SLC31A1: variants seen among roughly 807,000 people sequenced by gnomAD.
SLC31A1 encodes the protein solute carrier family 31 member 1.
In SLC31A1, 5 loss-of-function variants were observed where a neutral mutation model predicts 17.2. That is an observed-to-expected ratio of 0.29 (90% CI 0.15 to 0.61). SLC31A1 has a LOEUF of 0.61. Ranked by LOEUF, SLC31A1 falls within the 20% of genes least tolerant of loss-of-function variation. The probability of loss-of-function intolerance (pLI) is 0.86; values close to 1 mark genes in which losing one functional copy is unlikely to be tolerated. For missense variants in SLC31A1, 161 were observed against 241.4 expected, an observed-to-expected ratio of 0.67 and a Z score of 2.21; for synonymous variants, 76 against 78.8, an observed-to-expected ratio of 0.96 and a Z score of 0.19.
At chr9:113,249,677 A>C (rs1831624186) in intron 1 of SLC31A1, among the ~76,000 whole-genome samples, 1 of 152,146 alleles carries the variant, frequency 6.6e-6, no homozygotes, top group African/African-American at 2.4e-5. Context: ...CAGTAATTCT[A>C]ATCTTTCTAC....
At chr9:113,245,843 AG>A in intron 1 of SLC31A1, among the ~76,000 whole-genome samples, 1 of 152,232 alleles carries the variant, frequency 6.6e-6, no homozygotes, top group Admixed American at 6.5e-5. Flanking sequence ...CATGTTGCCC[AG>A]GCGGGTCTGA....
intron 1 of SLC31A1, among the ~76,000 whole-genome samples, chr9:113,249,209 C>T (rs1831618284): frequency 6.7e-6 from 1 of 148,290 alleles, no homozygotes; most frequent in Non-Finnish European, 1.5e-5. Flanking sequence ...TATTCTAATG[C>T]AAAGGTGATT....
intron 1 of SLC31A1, among the ~76,000 whole-genome samples, chr9:113,242,556 C>T (rs1202492905): frequency 6.6e-6 from 1 of 152,118 alleles, no homozygotes; most frequent in African/African-American, 2.4e-5. Flanking sequence ...AAGTACATGA[C>T]ACCACACCCA....
At position 113,256,377 on chromosome 9, in the gene SLC31A1, A is replaced by C. The variant is rs1052209828; in HGVS notation, c.129+100A>C. 1.5e-5 allele frequency: 21 copies of C among 1,378,330 alleles called. 1 individual carries two copies. Among genetic ancestry groups the C allele is most frequent in the African/African-American group, 4.3e-5 (3 of 69,458 alleles). 85.4% of individuals were successfully genotyped at this position (1,378,330 alleles called of 1,614,324 possible). A position where few individuals can be genotyped will look rare whatever the true frequency, so the allele number is the denominator to read the frequency against. On this transcript the variant is annotated intron_variant, in intron 2 of 4. Transcript: ENST00000374212. ...TGGAAGCTTATTATCTTTAAAGGTC[A>C]GTTTACCAGTGAGGATAACTAAAGC...
chr9:113,224,581 A>C (rs866759811), intron 1 of SLC31A1, among the ~76,000 whole-genome samples: 2 of 152,172 alleles, frequency 1.3e-5, no homozygotes, highest in Non-Finnish European at 2.9e-5. Flanking sequence ...GGCATGTGCC[A>C]CCATGCCCGG....
chr9:113,244,155 CAAAA>C (rs1200835310), intron 1 of SLC31A1, among the ~76,000 whole-genome samples: 21 of 41,302 alleles, frequency 5.1e-4, no homozygotes, highest in African/African-American at 1.6e-3. Flanking sequence ...AACTCCATCT[CAAAA>C]AAAAAAAAAA....
chr9:113,227,158 A>G (rs774325118), intron 1 of SLC31A1: 1 of 152,158 alleles, frequency 6.6e-6, no homozygotes, highest in African/African-American at 2.4e-5. Context: ...CCAGATCTAG[A>G]ATGCAGATGT....
chr9:113,238,394 A>G (rs1055173935), intron 1 of SLC31A1, among the ~76,000 whole-genome samples: 2 of 152,216 alleles, frequency 1.3e-5, no homozygotes, highest in Admixed American at 6.5e-5. Context: ...TCAAAGTGAT[A>G]GAGTCGGAAC....
rs1042132459 is a variant in SLC31A1 at position 113,264,121 on chromosome 9, C to T, written c.*3648C>T. On this transcript the variant is annotated 3_prime_UTR_variant, in exon 5 of 5. Coordinates refer to ENST00000374212, the MANE Select transcript of SLC31A1 (RefSeq NM_001859.4). The stretch of plus-strand genomic sequence containing the variant: ...CTGAGGTCAGGAGTTTGAGACCAGC[C>T]TGGCCAATGTGGTGAAACCCCATCT... The T allele has an allele frequency of 2.8e-4, 43 of 152,270 alleles. No homozygotes were observed. The highest frequency in any genetic ancestry group is 1.0e-3 in the African/African-American group (42 of 41,428). 9.4% of individuals were successfully genotyped at this position (152,270 alleles called of 1,614,324 possible).
intron 1 of SLC31A1, among the ~76,000 whole-genome samples, chr9:113,224,872 T>C (rs1831323874): frequency 1.3e-5 from 2 of 152,260 alleles, no homozygotes; most frequent in Admixed American, 1.3e-4. Flanking sequence ...GTATAGGCCA[T>C]AGACAAGTTA....
rs1347447888 is a variant in SLC31A1 at position 113,256,167 on chromosome 9, A to G, written c.19A>G (p.Met7Val). 6.2e-7 allele frequency: 1 copy of G among 1,612,300 alleles called. No homozygotes were observed. Among genetic ancestry groups the G allele is most frequent in the African/African-American group, 1.3e-5 (1 of 74,872 alleles). The change falls in exon 2 of 5, where the codon ATG becomes GTG. Residue 7 changes from methionine to valine, a missense_variant. Transcript: ENST00000374212. ...GGAAAAAATGGATCATTCCCACCAT[A>G]TGGGGATGAGCTATATGGACTCCAA... is the stretch of plus-strand genomic sequence containing the variant. The part of the protein sequence containing the change: MDHSHH[M>V]GMSYMDSNST...
intron 1 of SLC31A1, among the ~76,000 whole-genome samples, chr9:113,243,635 C>T (rs1237144280): frequency 6.6e-6 from 1 of 152,150 alleles, no homozygotes; most frequent in East Asian, 1.9e-4. Flanking sequence ...TAGATTCAAA[C>T]TCCCAGGCTC....
chr9:113,254,673 CA>C (rs1454922284), intron 1 of SLC31A1, among the ~76,000 whole-genome samples: 2 of 152,064 alleles, frequency 1.3e-5, no homozygotes, highest in African/African-American at 4.8e-5. Context: ...CCGAGTTGGA[CA>C]GATCACTTGA....
chr9:113,238,217 G>A (rs532284277), intron 1 of SLC31A1, among the ~76,000 whole-genome samples: 2 of 152,130 alleles, frequency 1.3e-5, no homozygotes, highest in African/African-American at 2.4e-5. Context: ...GACATTTTTG[G>A]TTGTCACAAC....
At chr9:113,255,503 C>T (rs1172749999) in intron 1 of SLC31A1, among the ~76,000 whole-genome samples, 1 of 152,142 alleles carries the variant, frequency 6.6e-6, no homozygotes, top group African/African-American at 2.4e-5. Flanking sequence ...ATTGCTTGAG[C>T]TCAGGAGTTC....
intron 3 of SLC31A1, 102 bp downstream of exon 3, chr9:113,257,287 C>T: frequency 1.0e-6 from 1 of 988,142 alleles, no homozygotes; most frequent in Non-Finnish European, 1.6e-6. Flanking sequence ...ATTACTAAGT[C>T]AACATGGTAA....
chr9:113,244,755 G>C (rs546068102), intron 1 of SLC31A1, among the ~76,000 whole-genome samples: 1 of 152,156 alleles, frequency 6.6e-6, no homozygotes, highest in Non-Finnish European at 1.5e-5. Context: ...GTATGTGGGC[G>C]TGTGAGGTAA....
At chr9:113,224,806 G>T (rs921884088) in intron 1 of SLC31A1, among the ~76,000 whole-genome samples, 3 of 152,230 alleles carry the variant, frequency 2.0e-5, no homozygotes, top group Non-Finnish European at 4.4e-5. Context: ...AGTCTATGTA[G>T]TACAGTAGTT....
rs1417712797 is a variant in SLC31A1 at position 113,260,390 on chromosome 9, G to T, written c.490G>T (p.Val164Leu). 1 of 1,614,176 alleles carries T rather than the reference G, an allele frequency of 6.2e-7. No homozygotes were observed. Among genetic ancestry groups the T allele is most frequent in the African/African-American group, 1.3e-5 (1 of 75,054 alleles). The change falls in exon 5 of 5, where the codon GTA becomes TTA. Residue 164 changes from valine (V) to leucine (L), a missense_variant. By Grantham distance (32) the Val-to-Leu change is conservative. Transcript: ENST00000374212. ...MTYNGYLCIA[V>L]AAGAGTGYFL... ...CTACAACGGGTACCTCTGCATTGCA[G>T]TAGCAGCAGGGGCCGGTACAGGATA...
Sources: gnomAD v4.1 joint callset for allele counts (sites outside exome capture counted in the v4.1 genomes callset) on GRCh38, gnomAD v4.1.1 for gene constraint, MANE v1.5 for transcripts, NCBI Gene and HGNC (gene_info 2026-07-23, HGNC 2026-07-21) for gene names.